KCND3: variants seen among roughly 807,000 people sequenced by gnomAD.
KCND3 encodes A-type voltage-gated potassium channel KCND3.
In KCND3, 9 loss-of-function variants were observed where a neutral mutation model predicts 51.1. That is an observed-to-expected ratio of 0.18 (90% CI 0.11 to 0.31). The LOEUF is 0.31. Ranked by LOEUF, KCND3 falls within the 10% of genes least tolerant of loss-of-function variation. The pLI is 1.00. For synonymous variants in KCND3, 349 were observed against 368.0 expected (o/e 0.95, Z 0.59); for missense variants, 526 against 903.8 (o/e 0.58, Z 5.36).
chr1:111,887,488 G>A (rs1286283976), intron 2 of KCND3, among the ~76,000 whole-genome samples: 1 of 152,184 alleles, frequency 6.6e-6, no homozygotes, highest in Non-Finnish European at 1.5e-5. Context: ...CTGGGGCCCA[G>A]CTGGGCCAGC....
At chr1:111,911,186 T>C (rs538396170) in intron 2 of KCND3, among the ~76,000 whole-genome samples, 3 of 152,362 alleles carry the variant, frequency 2.0e-5, no homozygotes, top group East Asian at 1.9e-4. Context: ...CCAAGTCTTT[T>C]GCATGGCTAC....
At chr1:111,909,374 T>C (rs1670815376) in intron 2 of KCND3, 1 of 152,108 alleles carries the variant, frequency 6.6e-6, no homozygotes, top group Non-Finnish European at 1.5e-5. Context: ...GGGGGCACAA[T>C]GATAGTACCC....
At chr1:111,935,082 G>T (rs1240433163) in intron 2 of KCND3, among the ~76,000 whole-genome samples, 1 of 152,128 alleles carries the variant, frequency 6.6e-6, no homozygotes, top group Non-Finnish European at 1.5e-5. Context: ...TATCTATATG[G>T]CATACTTGAA....
intron 2 of KCND3, among the ~76,000 whole-genome samples, chr1:111,932,702 T>C (rs1672036545): frequency 6.6e-6 from 1 of 152,270 alleles, no homozygotes; most frequent in Non-Finnish European, 1.5e-5. Flanking sequence ...GTTGGTTTCT[T>C]GTTTTGCAAC....
chr1:111,931,123 G>A (rs755850943), intron 2 of KCND3, among the ~76,000 whole-genome samples: 24 of 152,224 alleles, frequency 1.6e-4, no homozygotes, highest in Non-Finnish European at 2.9e-4. Context: ...GGAGAGGGAT[G>A]TAAGAAAGCA....
intron 2 of KCND3, among the ~76,000 whole-genome samples, chr1:111,908,728 T>G (rs1670768830): frequency 6.6e-6 from 1 of 152,140 alleles, no homozygotes; most frequent in Non-Finnish European, 1.5e-5. Context: ...CAACACTTTT[T>G]TTGTCTCAAA....
At chr1:111,919,501 C>A (rs560781512) in intron 2 of KCND3, among the ~76,000 whole-genome samples, 1 of 151,854 alleles carries the variant, frequency 6.6e-6, no homozygotes, top group African/African-American at 2.4e-5. Context: ...GTAAAGAAGG[C>A]CAGAGGAGAT....
intron 2 of KCND3, among the ~76,000 whole-genome samples, chr1:111,945,692 C>G (rs913152311): frequency 2.6e-5 from 4 of 152,234 alleles, no homozygotes; most frequent in Middle Eastern, 3.2e-3. Context: ...CTTCTGTGCT[C>G]AAAAGTCCCC....
intron 2 of KCND3, among the ~76,000 whole-genome samples, chr1:111,820,343 A>C (rs1483944161): frequency 1.3e-5 from 2 of 152,212 alleles, no homozygotes; most frequent in Non-Finnish European, 2.9e-5. Context: ...ATTCCTTACA[A>C]TCTGATGGAG....
At chr1:111,823,681 C>T (rs146492062) in intron 2 of KCND3, among the ~76,000 whole-genome samples, 32 of 152,288 alleles carry the variant, frequency 2.1e-4, no homozygotes, top group African/African-American at 7.0e-4. Context: ...GACTACCACT[C>T]ATTTGGTCCT....
intron 2 of KCND3, among the ~76,000 whole-genome samples, chr1:111,977,373 C>G (rs745517941): frequency 1.3e-5 from 2 of 152,174 alleles, no homozygotes; most frequent in South Asian, 4.1e-4. Context: ...TCAGGCAGGC[C>G]CCTTCCAGGA....
intron 1 of KCND3, among the ~76,000 whole-genome samples, chr1:111,987,025 A>AG (rs1675322132): frequency 1.3e-5 from 2 of 152,110 alleles, no homozygotes; most frequent in South Asian, 4.1e-4. Context: ...CAGAATCTTG[A>AG]GGGGGTTCAA....
intron 2 of KCND3, among the ~76,000 whole-genome samples, chr1:111,838,709 C>T (rs1345265776): frequency 5.3e-5 from 8 of 152,094 alleles, no homozygotes; most frequent in Non-Finnish European, 1.0e-4. Flanking sequence ...ACAACATCAA[C>T]AAAAGCACAC....
chr1:111,984,700 C>T (rs1200384361), intron 1 of KCND3, among the ~76,000 whole-genome samples: 1 of 152,170 alleles, frequency 6.6e-6, no homozygotes, highest in African/African-American at 2.4e-5. Flanking sequence ...ATACTCCAGC[C>T]CAATGGCCCA....
intron 2 of KCND3, among the ~76,000 whole-genome samples, chr1:111,940,402 T>C (rs931324609): frequency 1.3e-5 from 2 of 152,214 alleles, no homozygotes; most frequent in Non-Finnish European, 2.9e-5. Context: ...TTAATTTTTG[T>C]ATAAGGTGTA....
At chr1:111,858,816 G>T (rs145640467) in intron 2 of KCND3, among the ~76,000 whole-genome samples, 1 of 152,234 alleles carries the variant, frequency 6.6e-6, no homozygotes, top group East Asian at 1.9e-4. Context: ...TTTTCCCTTG[G>T]CCAGTTCTGC....
In KCND3 at chr1:111,904,662, G is replaced by A. The variant is rs567479810; in HGVS notation, c.1106+76959C>T. Among the ~76,000 whole-genome samples the A allele has an allele frequency of 1.5e-3, 231 of 152,284 alleles. 1 individual carries two copies. Among genetic ancestry groups the A allele is most frequent in the Non-Finnish European group, 2.4e-3 (166 of 68,024 alleles). Reference sequence around the variant, plus strand: ...AGCCTCCCTCATCCTCTGTGGGCACGGGCACAGGCGAGAATCGATGCTACG... The same window carrying A: ...AGCCTCCCTCATCCTCTGTGGGCACAGGCACAGGCGAGAATCGATGCTACG... On this transcript the variant is annotated intron_variant, in intron 2 of 7. Coordinates refer to ENST00000302127, the MANE Select transcript of KCND3 (RefSeq NM_001378969.1).
chr1:111,817,920 C>T (rs1302414385), intron 2 of KCND3, among the ~76,000 whole-genome samples: 1 of 152,136 alleles, frequency 6.6e-6, no homozygotes, highest in Non-Finnish European at 1.5e-5. Flanking sequence ...CCTTTTATAC[C>T]ACAAAATCAG....
chr1:111,867,313 T>C (rs911014197), intron 2 of KCND3, among the ~76,000 whole-genome samples: 2 of 151,846 alleles, frequency 1.3e-5, no homozygotes, highest in Non-Finnish European at 2.9e-5. Context: ...AATGTGTGTT[T>C]GTGGATGCAA....
Sources: allele counts gnomAD v4.1 joint callset (sites outside exome capture counted in the v4.1 genomes callset), GRCh38; gene constraint gnomAD v4.1.1; transcripts MANE v1.5; gene names NCBI Gene and HGNC (gene_info 2026-07-23, HGNC 2026-07-21).